The following YTHDC2 variants were observed in gnomAD, a reference collection of about 807,000 sequenced individuals.
YTHDC2 encodes the protein YTH N6-methyladenosine RNA binding protein C2, also known as 3'-5' RNA helicase YTHDC2.
A neutral mutation model predicts 174.9 loss-of-function variants in YTHDC2; 45 were observed. The ratio of observed to expected loss-of-function variants is 0.26; its 90% confidence interval spans 0.20 to 0.33. The LOEUF is 0.33. Among genes scored for constraint, YTHDC2 ranks in the 10% least tolerant of loss-of-function variants. The pLI is 1.00. For synonymous variants in YTHDC2, 657 were observed against 574.5 expected (o/e 1.14, Z -2.05); for missense variants, 1,650 against 1,723.7 (o/e 0.96, Z 0.76).
chr5:113,548,425 A>G, intron 10 of YTHDC2, 116 bp from the exon 11 acceptor site: 1 of 970,466 alleles, frequency 1.0e-6, no homozygotes, highest in Non-Finnish European at 1.5e-6. Context: ...GTTAAGGAGC[A>G]ACTCTCAGGC....
intron 6 of YTHDC2, 130 bp downstream of exon 6, chr5:113,534,537 C>T (rs985987897): frequency 5.2e-5 from 33 of 629,438 alleles, no homozygotes; most frequent in African/African-American, 4.9e-4. Flanking sequence ...GAAAAGAGAA[C>T]CAACTTATTC....
At chr5:113,572,102 A>C (rs114718996) in intron 23 of YTHDC2, among the ~76,000 whole-genome samples, 1 of 152,116 alleles carries the variant, frequency 6.6e-6, no homozygotes, top group South Asian at 2.1e-4. Flanking sequence ...TGATGTGTTC[A>C]TTTAGTGCTA....
At chr5:113,590,253 T>C (rs1778936106) in intron 26 of YTHDC2, among the ~76,000 whole-genome samples, 1 of 152,220 alleles carries the variant, frequency 6.6e-6, no homozygotes, top group South Asian at 2.1e-4. Flanking sequence ...TTGAATCCTT[T>C]TGAAGTTTGC....
chr5:113,549,155 A>G, intron 12 of YTHDC2, 135 bp downstream of exon 12: 2 of 676,514 alleles, frequency 3.0e-6, no homozygotes, highest in South Asian at 4.9e-5. Context: ...TTCTAAGGAA[A>G]TTTTCTGTCT....
intron 21 of YTHDC2, among the ~76,000 whole-genome samples, chr5:113,566,446 C>CTTTT (rs34372128): frequency 1.6e-5 from 2 of 122,436 alleles, no homozygotes; most frequent in Admixed American, 8.2e-5. Context: ...TTGAAGTCAC[C>CTTTT]TTTTTTTTTT....
chr5:113,532,635 G>A (rs115596817), intron 4 of YTHDC2, among the ~76,000 whole-genome samples: 4,376 of 152,112 alleles, frequency 0.029, 96 homozygotes, highest in East Asian at 0.09. Context: ...TAATCTTCAT[G>A]TAAACCTTAA....
chr5:113,558,832 G>T (rs1490138791), intron 17 of YTHDC2, among the ~76,000 whole-genome samples: 1 of 149,932 alleles, frequency 6.7e-6, no homozygotes, highest in Non-Finnish European at 1.5e-5. Flanking sequence ...TGAAGCAGGA[G>T]AATCGCTTGA....
At chr5:113,515,485 A>G (rs1773353717) in intron 2 of YTHDC2, 123 bp downstream of exon 2, 3 of 789,508 alleles carry the variant, frequency 3.8e-6, no homozygotes, top group Admixed American at 5.8e-5. Flanking sequence ...ATTGTATCAT[A>G]TGTAGATAAA....
chr5:113,561,013 T>TTG lies in YTHDC2; in HGVS notation c.2217-66_2217-65dup, dbSNP rs1776925846. ...TCATTTTTCTCTTTCCTAAATCACA[T>TTG]TGCGTTTACAGTTTATTGTAGCCTT... On this transcript the variant is annotated intron_variant, in intron 17 of 29. Coordinates refer to ENST00000161863, the MANE Select transcript of YTHDC2 (RefSeq NM_022828.5). 3.1e-6 allele frequency: 4 copies of TTG among 1,292,874 alleles called. No homozygotes were observed. In the African/African-American group the frequency reaches 6.0e-5, roughly 19 times the overall value. 80.1% of individuals were successfully genotyped at this position (1,292,874 alleles called of 1,614,324 possible). A position where few individuals can be genotyped will look rare whatever the true frequency, so the allele number is the denominator to read the frequency against.
chr5:113,515,520 A>G lies in YTHDC2; in HGVS notation c.278+158A>G, dbSNP rs983303755. On this transcript the variant is annotated intron_variant, in intron 2 of 29. Transcript: ENST00000161863. ...AAGATTCAGGTCTGTACCAAATTCAACTCTTTCCTCTTCCCTCTGTCTACC... is the reference window on the plus strand; with the variant it reads ...AAGATTCAGGTCTGTACCAAATTCAGCTCTTTCCTCTTCCCTCTGTCTACC... 5.3e-5 allele frequency among the ~76,000 whole-genome samples: 8 copies of G among 151,942 alleles called. No homozygotes were observed. The Middle Eastern group carries it at 0.01, about 194-fold the overall frequency.
intron 2 of YTHDC2, among the ~76,000 whole-genome samples, chr5:113,523,157 A>G (rs1773993246): frequency 6.6e-6 from 1 of 152,150 alleles, no homozygotes; most frequent in Admixed American, 6.5e-5. Context: ...TAAATGATTG[A>G]GTGAATGAAT....
chr5:113,530,245 G>A (rs1381863466), intron 4 of YTHDC2, among the ~76,000 whole-genome samples: 1 of 151,812 alleles, frequency 6.6e-6, no homozygotes, highest in Non-Finnish European at 1.5e-5. Flanking sequence ...TTAAAAATCT[G>A]TCCTTCCCCC....
chr5:113,585,050 G>GATTAC (rs1388252507), intron 26 of YTHDC2, among the ~76,000 whole-genome samples: 1 of 152,006 alleles, frequency 6.6e-6, no homozygotes, highest in Non-Finnish European at 1.5e-5. Flanking sequence ...GAGTGGCAGG[G>GATTAC]ATTACAGGTG....
rs762206767 is a variant in YTHDC2 at position 113,563,386 on chromosome 5, A to G, written c.2336A>G (p.His779Arg). The G allele has an allele frequency of 1.9e-6, 3 of 1,610,500 alleles. No individual in the cohort carries two copies. The highest frequency in any genetic ancestry group is 1.1e-5 in the South Asian group (1 of 90,264). Residue 779 changes from histidine to arginine, a missense_variant, in exon 19 of 30, where the codon CAT (histidine) becomes CGT (arginine). By Grantham distance (29) the His-to-Arg change is conservative. Around this residue, in one of 5 missense-constraint regions of YTHDC2, gnomAD observed 913 missense variants for 940.4 expected, o/e 0.97. Transcript: ENST00000161863. Reference protein sequence around the residue: ...LRMPLQELCLHTKLLAPVNCP... With the variant: ...LRMPLQELCLRTKLLAPVNCP... Reference sequence around the variant, plus strand: ...TTTGGTTTATAGGAACTTTGCTTACATACCAAGCTGTTAGCCCCAGTTAAT... The same window carrying G: ...TTTGGTTTATAGGAACTTTGCTTACGTACCAAGCTGTTAGCCCCAGTTAAT...
chr5:113,578,321 G>A (rs936975582), intron 23 of YTHDC2, among the ~76,000 whole-genome samples: 2 of 152,118 alleles, frequency 1.3e-5, no homozygotes, highest in Non-Finnish European at 1.5e-5. Context: ...TTAGCCTCCT[G>A]AGTAGCTGGG....
rs1229177353 is a variant in YTHDC2 at position 113,566,025 on chromosome 5, G to A, written c.2842+6G>A. ...TGGTCAACTTAGAGCATCAGGTAAA[G>A]TTTTTCCCTCAAAGAGCCTATTTAA... is the stretch of plus-strand genomic sequence containing the variant. On this transcript the variant is annotated splice_donor_region_variant and intron_variant, in intron 21 of 29. Transcript: ENST00000161863. 6.3e-7 allele frequency: 1 copy of A among 1,596,774 alleles called. No homozygotes were observed. Among genetic ancestry groups the A allele is most frequent in the Admixed American group, 1.8e-5 (1 of 56,924 alleles).
Position 113,525,130 on chromosome 5 carries a change from A to T in YTHDC2, c.428A>T (p.Glu143Val). The T allele has an allele frequency of 6.2e-7, 1 of 1,608,712 alleles. No individual in the cohort carries two copies. Among genetic ancestry groups the T allele is most frequent in the Non-Finnish European group, 8.5e-7 (1 of 1,177,828 alleles). ...CCTGTCACCAATAAAGAGCGTACAG[A>T]ACTTCTGCCTAAAACAGAAAGAGGA... ...RFPVTNKERT[E>V]LLPKTERGNV... The change falls in exon 3 of 30, where the codon GAA becomes GTA. Residue 143 changes from glutamate to valine, a missense_variant. Glu to Val is a moderately radical substitution (Grantham distance 121, BLOSUM62 -2). This residue lies in a region of YTHDC2 where 304 missense variants were observed against 341.4 expected (regional missense o/e 0.89). Transcript: ENST00000161863.
At chr5:113,538,507 C>G (rs1343004345) in intron 7 of YTHDC2, among the ~76,000 whole-genome samples, 2 of 152,144 alleles carry the variant, frequency 1.3e-5, no homozygotes, top group African/African-American at 4.8e-5. Flanking sequence ...GTCCTTGAAA[C>G]TCCTTTCTAG....
intron 18 of YTHDC2, among the ~76,000 whole-genome samples, chr5:113,562,492 T>C (rs1777060809): frequency 6.6e-6 from 1 of 152,140 alleles, no homozygotes. Context: ...TTTCTGTTCC[T>C]CCTGGGAGAA....
Sources: gnomAD v4.1 joint callset for allele counts (sites outside exome capture counted in the v4.1 genomes callset) on GRCh38, gnomAD v4.1.1 for gene constraint, gnomAD v4.1.1 regional missense constraint, MANE v1.5 for transcripts, NCBI Gene and HGNC (gene_info 2026-07-23, HGNC 2026-07-21) for gene names.